Variants in SFTPD observed in about 807,000 individuals in gnomAD.
SFTPD encodes the protein surfactant protein D.
Under a neutral mutation model 34.6 loss-of-function variants are expected in SFTPD, and 18 were observed. The observed-to-expected ratio is 0.52, with a 90% CI of 0.36 to 0.77. The LOEUF (loss-of-function observed/expected upper bound fraction) is 0.77, where lower values mean the gene tolerates loss of function less well. Ranked by LOEUF, SFTPD falls within the 30% of genes least tolerant of loss-of-function variation. The pLI, the probability that SFTPD is intolerant of heterozygous loss-of-function variation, is 0.00. For missense variants in SFTPD, 433 were observed against 468.9 expected, an observed-to-expected ratio of 0.92 and a Z score of 0.71; for synonymous variants, 155 against 180.9, an observed-to-expected ratio of 0.86 and a Z score of 1.15.
chr10:79,953,079 T>C (rs151255600), upstream of SFTPD, among the ~76,000 whole-genome samples: 6 of 152,362 alleles, frequency 3.9e-5, no homozygotes, highest in African/African-American at 1.4e-4. Context: ...ATGTCACTCA[T>C]TCCTCAGTAT....
upstream of SFTPD, among the ~76,000 whole-genome samples, chr10:79,949,527 G>T (rs1186949837): frequency 6.6e-6 from 1 of 152,218 alleles, no homozygotes; most frequent in African/African-American, 2.4e-5. Context: ...GCACTGCCCA[G>T]ATATTGGGAA....
chr10:79,937,955 G>T lies in SFTPD; in HGVS notation c.1025C>A (p.Pro342His). Residue 342 changes from proline (P) to histidine (H), a missense_variant, in exon 8 of 8, where the codon CCC becomes CAC. Transcript: ENST00000372292. ...GTCCTCTGACCCGCCATCATCGTTGGGCTCCCCTGGGGCCCAGTTGGAATA... is the reference window on the plus strand; with the variant it reads ...GTCCTCTGACCCGCCATCATCGTTGTGCTCCCCTGGGGCCCAGTTGGAATA... ...LVYSNWAPGE[P>H]NDDGGSEDCV... 1 of 1,613,280 alleles carries T rather than the reference G, an allele frequency of 6.2e-7. No homozygotes were observed. Among genetic ancestry groups the T allele is most frequent in the Non-Finnish European group, 8.5e-7 (1 of 1,179,418 alleles).
intron 1 of SFTPD, among the ~76,000 whole-genome samples, chr10:79,964,488 C>T (rs1471223387): frequency 6.6e-6 from 1 of 152,202 alleles, no homozygotes; most frequent in Non-Finnish European, 1.5e-5. Context: ...CCCACTGAAA[C>T]TTCCACCTAT....
chr10:79,951,556 G>A (rs951797918), upstream of SFTPD, among the ~76,000 whole-genome samples: 8 of 152,196 alleles, frequency 5.3e-5, no homozygotes, highest in African/African-American at 1.7e-4. Context: ...GGGCATATGA[G>A]CAGGAATACT....
In SFTPD at chr10:79,946,588, C is replaced by G. The variant is rs1477870487; in HGVS notation, c.72G>C (p.Lys24Asn). 1 of 1,614,208 alleles carries G rather than the reference C, an allele frequency of 6.2e-7. No homozygotes were observed. Among genetic ancestry groups the G allele is most frequent in the South Asian group, 1.1e-5 (1 of 91,080 alleles). Residue 24 changes from lysine (K) to asparagine (N), a missense_variant, in exon 2 of 8, where the codon AAG becomes AAC. Physicochemically the swap from Lys to Asn is moderately conservative, Grantham distance 94. Coordinates refer to ENST00000372292, the MANE Select transcript of SFTPD (RefSeq NM_003019.5). ...QPLGYLEAEM[K>N]TYSHRTMPSA... ...TGGGCATTGTTCTGTGGGAGTAGGT[C>G]TTCATTTCTGCTTCCAGGTAGCCCA... is the stretch of plus-strand genomic sequence containing the variant.
At chr10:79,971,545 G>C (rs1399478444) in intron 1 of SFTPD, 1 of 151,878 alleles carries the variant, frequency 6.6e-6, no homozygotes, top group Non-Finnish European at 1.5e-5. Flanking sequence ...CTCGTAATTG[G>C]TCTGTCCAGA....
At chr10:79,982,268 G>A (rs1490958264) in intron 1 of SFTPD, 3 of 963,434 alleles carry the variant, frequency 3.1e-6, no homozygotes, top group African/African-American at 3.5e-5. Flanking sequence ...CGGCGGGGGC[G>A]CTCGGGCCAC....
At chr10:79,955,482 G>T in intron 1 of SFTPD, among the ~76,000 whole-genome samples, 1 of 152,172 alleles carries the variant, frequency 6.6e-6, no homozygotes, top group East Asian at 1.9e-4. Context: ...AGAAAACCCT[G>T]CCATACCTTA....
rs1054278602 is a variant in SFTPD at position 79,967,918 on chromosome 10, C to T, written c.36+14657G>A. Reference sequence around the variant, plus strand: ...AACCCCCTTTGACTGTAATTTTCCACTACCTACCCAAATCCTATAAAACAG... The same window carrying T: ...AACCCCCTTTGACTGTAATTTTCCATTACCTACCCAAATCCTATAAAACAG... On this transcript the variant is annotated intron_variant, in intron 1 of 5. Transcript: ENST00000444384. 2.6e-5 allele frequency among the ~76,000 whole-genome samples: 4 copies of T among 151,620 alleles called. No individual in the cohort carries two copies. In the South Asian group the frequency reaches 8.3e-4, roughly 32 times the overall value.
chr10:79,977,175 A>T (rs916488533), intron 1 of SFTPD, among the ~76,000 whole-genome samples: 1 of 152,178 alleles, frequency 6.6e-6, no homozygotes, highest in Non-Finnish European at 1.5e-5. Context: ...CTGGAGCCAA[A>T]CTCAGCTTAG....
upstream of SFTPD, among the ~76,000 whole-genome samples, chr10:79,952,096 C>T (rs1304038594): frequency 6.6e-6 from 1 of 152,200 alleles, no homozygotes; most frequent in Admixed American, 6.5e-5. Context: ...CAGAAAACAC[C>T]CGTCCTGTGG....
chr10:79,964,162 T>C (rs2265959), intron 1 of SFTPD, among the ~76,000 whole-genome samples: 60,243 of 152,034 alleles, frequency 0.4, 12,618 homozygotes, highest in African/African-American at 0.48. Context: ...AAAGGACTAC[T>C]CATCAATATT....
At chr10:79,980,674 C>G (rs962468402) in intron 1 of SFTPD, among the ~76,000 whole-genome samples, 1 of 152,078 alleles carries the variant, frequency 6.6e-6, no homozygotes, top group Non-Finnish European at 1.5e-5. Flanking sequence ...AAGAGACTGT[C>G]TGGTAATCCA....
At chr10:79,971,576 C>T (rs1181034277) in intron 1 of SFTPD, 1 of 152,100 alleles carries the variant, frequency 6.6e-6, no homozygotes, top group Non-Finnish European at 1.5e-5. Flanking sequence ...CTTCTTGGTT[C>T]AATCTTGGTG....
At chr10:79,941,121 A>G (rs1240098955) in intron 6 of SFTPD, among the ~76,000 whole-genome samples, 2 of 152,194 alleles carry the variant, frequency 1.3e-5, no homozygotes, top group African/African-American at 4.8e-5. Context: ...TGGGTTTTTA[A>G]TGCCCAAAAC....
At position 79,938,006 on chromosome 10, in the gene SFTPD, G is replaced by A; in HGVS notation, c.974C>T (p.Thr325Ile). ...MTDSKTEGKF[T>I]YPTGESLVYS... ...GACCAGGGACTCTCCTGTGGGGTAG[G>A]TGAACTTGCCCTCTGTCTTGGAATC... Residue 325 changes from threonine to isoleucine, a missense_variant, in exon 8 of 8, where the codon ACC becomes ATC. By Grantham distance (89) the Thr-to-Ile change is moderately conservative. Transcript: ENST00000372292. 6.2e-7 allele frequency: 1 copy of A among 1,613,862 alleles called. No individual in the cohort carries two copies.
At chr10:79,956,268 C>T (rs1050731164) in intron 1 of SFTPD, among the ~76,000 whole-genome samples, 6 of 152,144 alleles carry the variant, frequency 3.9e-5, no homozygotes, top group East Asian at 1.9e-4. Flanking sequence ...TCTGAGGTAC[C>T]GGGTTCATCT....
At chr10:79,942,135 G>A in intron 4 of SFTPD, 65 bp from the exon 5 acceptor site, 4 of 1,219,480 alleles carry the variant, frequency 3.3e-6, no homozygotes, top group Non-Finnish European at 4.7e-6. Context: ...GGTTTTGTTA[G>A]CAATGGAGCT....
At chr10:79,938,496 C>T (rs917367879) in intron 7 of SFTPD, among the ~76,000 whole-genome samples, 8 of 152,128 alleles carry the variant, frequency 5.3e-5, no homozygotes, top group African/African-American at 1.2e-4. Context: ...AAGCAGCAAA[C>T]GTGCAGTTAG....
Sources: gnomAD v4.1 joint callset for allele counts (sites outside exome capture counted in the v4.1 genomes callset) on GRCh38, gnomAD v4.1.1 for gene constraint, MANE v1.5 for transcripts, NCBI Gene and HGNC (gene_info 2026-07-23, HGNC 2026-07-21) for gene names.